Variants in SPATA9 observed in about 807,000 individuals in gnomAD.
The protein encoded by SPATA9 is spermatogenesis-associated protein 9.
Under a neutral mutation model 25.5 loss-of-function variants are expected in SPATA9, and 27 were observed. The observed-to-expected ratio is 1.06, with a 90% CI of 0.78 to 1.46. SPATA9 has a LOEUF of 1.46. Ranked by LOEUF, SPATA9 falls within the 40% of genes most tolerant of loss-of-function variation. SPATA9 has a pLI of 0.00. For synonymous variants in SPATA9, 102 were observed against 105.7 expected, an observed-to-expected ratio of 0.97 and a Z score of 0.21; for missense variants, 282 against 297.5, an observed-to-expected ratio of 0.95 and a Z score of 0.38.
chr5:95,661,564 A>G (rs1751269121), intron 4 of SPATA9, among the ~76,000 whole-genome samples: 1 of 152,124 alleles, frequency 6.6e-6, no homozygotes, highest in Non-Finnish European at 1.5e-5. Flanking sequence ...TTATTTCCCC[A>G]TAGACATGTC....
upstream of SPATA9, among the ~76,000 whole-genome samples, chr5:95,686,988 C>T (rs546331018): frequency 2.6e-5 from 4 of 152,290 alleles, no homozygotes; most frequent in East Asian, 1.9e-4. Flanking sequence ...GGCATTCTCT[C>T]GGACTTTGCC....
the SPATA9 span, among the ~76,000 whole-genome samples, chr5:95,727,055 T>C: frequency 6.6e-6 from 1 of 152,224 alleles, no homozygotes; most frequent in African/African-American, 2.4e-5. Flanking sequence ...TTGAAGACTC[T>C]GGCTCTAGAT....
intron 3 of SPATA9, among the ~76,000 whole-genome samples, chr5:95,674,252 T>C (rs1449269119): frequency 1.3e-5 from 2 of 152,050 alleles, no homozygotes; most frequent in African/African-American, 4.8e-5. Flanking sequence ...ACATAAAGGG[T>C]ATTTGTTGAT....
At chr5:95,683,047 C>T (rs1227752718), upstream of SPATA9, 1 of 1,243,342 alleles carries the variant, frequency 8.0e-7, no homozygotes, top group African/African-American at 1.5e-5. Flanking sequence ...ACAGAATCTT[C>T]TGACATCACT....
At chr5:95,684,781 T>C (rs1404909792), upstream of SPATA9, 1 of 152,246 alleles carries the variant, frequency 6.6e-6, no homozygotes, top group African/African-American at 2.4e-5. Flanking sequence ...GAACCCACAA[T>C]GTCTGTTTTT....
chr5:95,657,449 T>A (rs1374799681), downstream of SPATA9: 4 of 151,696 alleles, frequency 2.6e-5, no homozygotes, highest in East Asian at 3.9e-4. Context: ...CAGAAATAGC[T>A]AAAATGAGTA....
the SPATA9 span, among the ~76,000 whole-genome samples, chr5:95,728,898 T>C: frequency 6.6e-6 from 1 of 152,210 alleles, no homozygotes; most frequent in East Asian, 1.9e-4. Context: ...TCAACCTCAC[T>C]GCTCATTATA....
At chr5:95,730,413 TGTTA>T in the SPATA9 span, among the ~76,000 whole-genome samples, 1 of 152,164 alleles carries the variant, frequency 6.6e-6, no homozygotes, top group Non-Finnish European at 1.5e-5. Flanking sequence ...CCCATTTTGG[TGTTA>T]GTAAGTGGAT....
intron 3 of SPATA9, among the ~76,000 whole-genome samples, chr5:95,669,348 T>G (rs1580309664): frequency 1.3e-5 from 2 of 152,200 alleles, no homozygotes; most frequent in Non-Finnish European, 2.9e-5. Flanking sequence ...ATGTGGGACC[T>G]ACAGAACTTC....
At chr5:95,711,611 G>C in the SPATA9 span, among the ~76,000 whole-genome samples, 18 of 152,308 alleles carry the variant, frequency 1.2e-4, no homozygotes, top group South Asian at 3.7e-3. Context: ...ACGTCGTCAA[G>C]GAGATATGGG....
rs76948296 is a variant in SPATA9 at position 95,669,272 on chromosome 5, A to G, written c.379-5224T>C. Among the ~76,000 whole-genome samples, 710 of 152,272 alleles carry G rather than the reference A, an allele frequency of 4.7e-3. 6 individuals are homozygous for G. Among genetic ancestry groups the G allele is most frequent in the African/African-American group, 0.017 (690 of 41,548 alleles). On this transcript the variant is annotated intron_variant, in intron 3 of 4. Coordinates refer to ENST00000274432, the MANE Select transcript of SPATA9 (RefSeq NM_031952.4). ...ATGTCTTCAAGAGCCCAGGAGTTCTATCTAGGAAATATCCTCTTTCCCCGG... is the reference window on the plus strand; with the variant it reads ...ATGTCTTCAAGAGCCCAGGAGTTCTGTCTAGGAAATATCCTCTTTCCCCGG...
chr5:95,688,699 G>C (rs1374810373), intron 1 of SPATA9, among the ~76,000 whole-genome samples: 1 of 152,110 alleles, frequency 6.6e-6, no homozygotes, highest in African/African-American at 2.4e-5. Context: ...TGGAATAATA[G>C]ACACTGGAGA....
intron 2 of SPATA9, among the ~76,000 whole-genome samples, chr5:95,679,535 T>C (rs1264470991): frequency 6.6e-6 from 1 of 152,182 alleles, no homozygotes; most frequent in Non-Finnish European, 1.5e-5. Context: ...TTGGATGCCA[T>C]GTTACTACTG....
chr5:95,692,780 AC>A (rs2112707526), intron 1 of SPATA9, among the ~76,000 whole-genome samples: 1 of 152,136 alleles, frequency 6.6e-6, no homozygotes, highest in South Asian at 2.1e-4. Context: ...TACTTGATTG[AC>A]TTTTAGATCA....
chr5:95,687,524 GC>G (rs1321074611), upstream of SPATA9, among the ~76,000 whole-genome samples: 11 of 152,296 alleles, frequency 7.2e-5, no homozygotes, highest in Non-Finnish European at 1.3e-4. Context: ...ATAAATGCCT[GC>G]TACATAGCTC....
At chr5:95,702,557 TAA>T (rs971540480), upstream of SPATA9, among the ~76,000 whole-genome samples, 3 of 152,186 alleles carry the variant, frequency 2.0e-5, no homozygotes, top group Admixed American at 1.3e-4. Flanking sequence ...CATTACCATC[TAA>T]GAGTCATTCC....
chr5:95,656,179 TAA>T (rs762153374), downstream of SPATA9: 5 of 1,613,964 alleles, frequency 3.1e-6, 1 homozygote, highest in South Asian at 4.4e-5. Context: ...TCCAAAGGAA[TAA>T]AGCAAAGGAT....
At chr5:95,666,034 C>T (rs547286622) in intron 3 of SPATA9, among the ~76,000 whole-genome samples, 4 of 152,322 alleles carry the variant, frequency 2.6e-5, no homozygotes, top group South Asian at 4.1e-4. Context: ...CGAACACTTA[C>T]ATGGCACTGT....
rs562448454 is a variant in SPATA9 at position 95,665,014 on chromosome 5, A to G, written c.379-966T>C. Among the ~76,000 whole-genome samples the G allele has an allele frequency of 7.2e-5, 11 of 152,376 alleles. No homozygotes were observed. In the South Asian group the frequency reaches 1.2e-3, roughly 17 times the overall value. On this transcript the variant is annotated intron_variant, in intron 3 of 4. Coordinates refer to ENST00000274432, the MANE Select transcript of SPATA9 (RefSeq NM_031952.4). Reference sequence around the variant, plus strand: ...CCAGAATAGTTAGGAAAATTATGTTATATCCACTCAGTGGTATATTATGCA... The same window carrying G: ...CCAGAATAGTTAGGAAAATTATGTTGTATCCACTCAGTGGTATATTATGCA...
Sources: allele counts gnomAD v4.1 joint callset (sites outside exome capture counted in the v4.1 genomes callset), GRCh38; gene constraint gnomAD v4.1.1; transcripts MANE v1.5; gene names NCBI Gene and HGNC (gene_info 2026-07-23, HGNC 2026-07-21).